The following PCDH11X variants were observed in gnomAD, a reference collection of about 807,000 sequenced individuals.
PCDH11X encodes protocadherin 11 X-linked.
In PCDH11X, 18 loss-of-function variants were observed where a neutral mutation model predicts 53.3. The observed-to-expected ratio is 0.34, with a 90% confidence interval of 0.23 to 0.50. The LOEUF is 0.50. PCDH11X is among the 20% of genes least tolerant of loss of function. The pLI is 0.98. For missense variants in PCDH11X, 570 were observed against 1,032.4 expected (o/e 0.55, Z 6.14); for synonymous variants, 279 against 393.3 (o/e 0.71, Z 3.44).
At chrX:92,506,585 A>G (rs1194224054) in intron 10 of PCDH11X, among the ~76,000 whole-genome samples, 4 of 103,418 alleles carry the variant, frequency 3.9e-5, no homozygotes, top group Non-Finnish European at 7.9e-5. Flanking sequence ...AATAAAGCCT[A>G]CTTGATTGTG....
intron 10 of PCDH11X, among the ~76,000 whole-genome samples, chrX:92,483,782 C>T (rs1325650079): frequency 1.9e-5 from 2 of 107,747 alleles, no homozygotes; most frequent in Non-Finnish European, 3.8e-5. Context: ...TGCTAAAGTT[C>T]ATTATACAAA....
intron 6 of PCDH11X, among the ~76,000 whole-genome samples, chrX:92,167,268 A>G (rs2148269677): frequency 8.9e-6 from 1 of 112,027 alleles, no homozygotes; most frequent in Admixed American, 9.5e-5. Context: ...ATAGACATTG[A>G]AAGACACTGC....
intron 6 of PCDH11X, among the ~76,000 whole-genome samples, chrX:92,045,830 C>T (rs1359662220): frequency 9.2e-6 from 1 of 108,657 alleles, no homozygotes; most frequent in East Asian, 2.9e-4. Flanking sequence ...ATTCCAGCTA[C>T]TGGGGGGCTG....
At chrX:91,881,335 A>C (rs925227717) in intron 6 of PCDH11X, among the ~76,000 whole-genome samples, 5 of 111,648 alleles carry the variant, frequency 4.5e-5, no homozygotes, top group Non-Finnish European at 9.4e-5. Flanking sequence ...TCAAAATACA[A>C]AAAAGTAAAT....
intron 6 of PCDH11X, among the ~76,000 whole-genome samples, chrX:92,082,569 G>A (rs1050409627): frequency 3.7e-5 from 4 of 108,661 alleles, no homozygotes; most frequent in Non-Finnish European, 5.7e-5. Context: ...AAGCAAAGAA[G>A]TATCAGAGAT....
At chrX:92,545,436 C>G (rs1265111476) in intron 10 of PCDH11X, among the ~76,000 whole-genome samples, 2 of 90,250 alleles carry the variant, frequency 2.2e-5, no homozygotes, top group African/African-American at 4.5e-5. Context: ...GAGTCTCGCT[C>G]TGTCACCCAG....
intron 10 of PCDH11X, among the ~76,000 whole-genome samples, chrX:92,614,041 G>A (rs190150071): frequency 2.0e-4 from 22 of 110,289 alleles, no homozygotes; most frequent in African/African-American, 6.9e-4. Flanking sequence ...TTATTTCCTG[G>A]ATTGCTTTAG....
chrX:92,568,148 C>G (rs1245505585), intron 10 of PCDH11X, among the ~76,000 whole-genome samples: 12 of 109,811 alleles, frequency 1.1e-4, no homozygotes, highest in Non-Finnish European at 2.1e-4. Flanking sequence ...TAGGCTGGGC[C>G]CAGTGGCTCA....
At chrX:91,934,490 G>A (rs945604090) in intron 6 of PCDH11X, among the ~76,000 whole-genome samples, 20 of 110,594 alleles carry the variant, frequency 1.8e-4, no homozygotes, top group African/African-American at 5.9e-4. Context: ...ACAACACTCC[G>A]CTGTTAACTA....
Position 91,970,786 on chromosome X carries a change from C to T in PCDH11X, c.3033+91513C>T, listed in dbSNP as rs12851511. Among the ~76,000 whole-genome samples, 55 of 111,510 alleles carry T rather than the reference C, an allele frequency of 4.9e-4. 1 individual carries two copies. In the East Asian group the frequency reaches 0.011, roughly 23 times the overall value. On this transcript the variant is annotated intron_variant, in intron 6 of 10. Transcript: ENST00000682573. ...ATGCAACAGGAAAATATTCAGGTTC[C>T]GCATCTAAAAATTAAGATATAGTGA...
At chrX:92,059,612 C>A (rs71218224) in intron 6 of PCDH11X, among the ~76,000 whole-genome samples, 5 of 111,158 alleles carry the variant, frequency 4.5e-5, no homozygotes, top group Non-Finnish European at 9.5e-5. Context: ...GCAACTAAAT[C>A]TCCTACCTTG....
At chrX:92,099,828 T>G (rs1402196474) in intron 6 of PCDH11X, among the ~76,000 whole-genome samples, 3 of 111,233 alleles carry the variant, frequency 2.7e-5, no homozygotes, top group East Asian at 5.7e-4. Flanking sequence ...TTACTCCTTT[T>G]GGTAGTAATC....
At chrX:92,398,626 C>T (rs1005608507) in intron 9 of PCDH11X, among the ~76,000 whole-genome samples, 4 of 110,848 alleles carry the variant, frequency 3.6e-5, no homozygotes, top group Non-Finnish European at 7.5e-5. Context: ...CTCTTATCTA[C>T]AAAACACATT....
intron 6 of PCDH11X, among the ~76,000 whole-genome samples, chrX:91,950,304 AC>A (rs2061623099): frequency 9.5e-6 from 1 of 104,722 alleles, no homozygotes; most frequent in Non-Finnish European, 2.0e-5. Context: ...TCTCCCTCTC[AC>A]CCTCTCTTCT....
chrX:92,135,353 G>A (rs2759729), intron 6 of PCDH11X, among the ~76,000 whole-genome samples: 1 of 111,213 alleles, frequency 9.0e-6, no homozygotes, highest in South Asian at 3.8e-4. Context: ...ATAGTGTAAC[G>A]AAGTCCATTA....
intron 6 of PCDH11X, among the ~76,000 whole-genome samples, chrX:91,975,256 G>A (rs1455962987): frequency 8.9e-6 from 1 of 111,904 alleles, no homozygotes; most frequent in Non-Finnish European, 1.9e-5. Context: ...AGACCAAAAT[G>A]TGAAATGTAA....
At chrX:91,962,240 T>C (rs1184486499) in intron 6 of PCDH11X, among the ~76,000 whole-genome samples, 2 of 110,837 alleles carry the variant, frequency 1.8e-5, no homozygotes, top group Non-Finnish European at 3.8e-5. Flanking sequence ...CCTATGAGCC[T>C]GTAAAATCAA....
Position 92,618,597 on chromosome X carries a change from G to A in PCDH11X, c.3701G>A (p.Ser1234Asn), listed in dbSNP as rs373650412. ...GTGCAGGCTACTGCACTTCACCACA[G>A]CCCACCATCAGCACAGGCCTCAGCC... ...PLVQATALHH[S>N]PPSAQASALC... Residue 1234 changes from serine (S) to asparagine (N), a missense_variant, in exon 11 of 11, where the codon AGC (serine) becomes AAC (asparagine). Physicochemically the swap from Ser to Asn is conservative, Grantham distance 46. Transcript: ENST00000682573. 6.4e-5 allele frequency: 77 copies of A among 1,209,939 alleles called. No homozygotes were observed. The African/African-American group carries it at 8.7e-4, about 14-fold the overall frequency.
intron 6 of PCDH11X, among the ~76,000 whole-genome samples, chrX:92,073,174 G>T (rs775723405): frequency 8.9e-6 from 1 of 111,874 alleles, no homozygotes; most frequent in South Asian, 3.7e-4. Flanking sequence ...ACCTGGGGCT[G>T]GGGGAAGGGT....
Sources: gnomAD v4.1 joint callset for allele counts (sites outside exome capture counted in the v4.1 genomes callset) on GRCh38, gnomAD v4.1.1 for gene constraint, MANE v1.5 for transcripts, NCBI Gene and HGNC (gene_info 2026-07-23, HGNC 2026-07-21) for gene names.